ACAD10: variants seen among roughly 807,000 people sequenced by gnomAD.
The protein encoded by ACAD10 is ACAD-10.
A neutral mutation model predicts 116.8 loss-of-function variants in ACAD10; 112 were observed. That is an observed-to-expected ratio of 0.96 (90% CI 0.82 to 1.12). The LOEUF is 1.12. Among genes scored for constraint, ACAD10 ranks in the 50% most tolerant of loss-of-function variants. The pLI is 0.00. For synonymous variants in ACAD10, 486 were observed against 510.6 expected, an observed-to-expected ratio of 0.95 and a Z score of 0.65; for missense variants, 1,259 against 1,350.2, an observed-to-expected ratio of 0.93 and a Z score of 1.06.
At chr12:111,746,904 A>C in intron 14 of ACAD10, 145 bp from the exon 15 acceptor site, 2 of 1,076,290 alleles carry the variant, frequency 1.9e-6, no homozygotes, top group Non-Finnish European at 2.6e-6. Flanking sequence ...AAGCTGAGGC[A>C]TGGGAGGATG....
At chr12:111,709,186 A>G (rs1240582668) in intron 4 of ACAD10, among the ~76,000 whole-genome samples, 2 of 152,176 alleles carry the variant, frequency 1.3e-5, no homozygotes, top group Admixed American at 1.3e-4. Flanking sequence ...TAAGTTTCAC[A>G]ACTTACTGAG....
chr12:111,752,424 T>C (rs556117331), intron 18 of ACAD10, among the ~76,000 whole-genome samples: 4 of 151,238 alleles, frequency 2.6e-5, no homozygotes, highest in Admixed American at 1.3e-4. Context: ...GCCAAAATTA[T>C]GAAACACCCC....
chr12:111,734,436 G>T (rs1217487738), intron 11 of ACAD10, among the ~76,000 whole-genome samples: 1 of 152,122 alleles, frequency 6.6e-6, no homozygotes, highest in African/African-American at 2.4e-5. Context: ...GACCAGCCTG[G>T]CCAACATGGT....
chr12:111,726,794 G>C (rs540680120), intron 8 of ACAD10, among the ~76,000 whole-genome samples: 3 of 152,262 alleles, frequency 2.0e-5, no homozygotes, highest in Admixed American at 2.0e-4. Flanking sequence ...CCGGGAGGCG[G>C]AGGTTGCAGT....
intron 4 of ACAD10, 136 bp from the exon 5 acceptor site, chr12:111,709,390 A>G (rs1888603934): frequency 5.3e-6 from 4 of 758,478 alleles, no homozygotes; most frequent in South Asian, 5.3e-5. Context: ...ATTTTATATC[A>G]TAACACTCTT....
At chr12:111,751,082 A>G (rs1890060769) in intron 18 of ACAD10, among the ~76,000 whole-genome samples, 1 of 152,230 alleles carries the variant, frequency 6.6e-6, no homozygotes, top group Admixed American at 6.5e-5. Context: ...CATAGCATGA[A>G]CATGGCACCT....
chr12:111,717,373 C>T (rs1192566248), intron 7 of ACAD10, among the ~76,000 whole-genome samples: 2 of 150,604 alleles, frequency 1.3e-5, no homozygotes, highest in Non-Finnish European at 3.0e-5. Flanking sequence ...AAAAATTAAC[C>T]AGCATACCCA....
At chr12:111,707,011 C>CA (rs1888531144) in intron 4 of ACAD10, among the ~76,000 whole-genome samples, 1 of 151,632 alleles carries the variant, frequency 6.6e-6, no homozygotes, top group Admixed American at 6.6e-5. Context: ...CTCCTGACCT[C>CA]AAGTGATCTG....
rs752797980 is a variant in ACAD10, at chr12:111,721,654, T to G, written c.993-17T>G. 6.3e-7 allele frequency: 1 copy of G among 1,577,080 alleles called. No individual in the cohort carries two copies. The highest frequency in any genetic ancestry group is 1.2e-5 in the South Asian group (1 of 86,836). ...AATTCAGCCAGCAATTTTGTTTATT[T>G]TCATTTGTCCTTGCAGGATTATGAA... On this transcript the variant is annotated splice_polypyrimidine_tract_variant and intron_variant, in intron 7 of 20. Transcript: ENST00000313698.
chr12:111,726,088 T>C (rs1298581531), intron 8 of ACAD10, among the ~76,000 whole-genome samples: 1 of 151,948 alleles, frequency 6.6e-6, no homozygotes, highest in African/African-American at 2.4e-5. Context: ...ACCCCGTCTC[T>C]ACTGAAAATA....
intron 3 of ACAD10, among the ~76,000 whole-genome samples, chr12:111,704,067 T>C (rs937334375): frequency 2.0e-5 from 3 of 151,712 alleles, no homozygotes; most frequent in African/African-American, 7.3e-5. Context: ...AGAAAGTAGA[T>C]TGGTGGTTTT....
At chr12:111,707,609 GGT>G (rs1195579271) in intron 4 of ACAD10, among the ~76,000 whole-genome samples, 28 of 152,208 alleles carry the variant, frequency 1.8e-4, no homozygotes, top group African/African-American at 6.5e-4. Context: ...TGAGAGTCAT[GGT>G]AGCCTCTAGA....
chr12:111,726,356 G>A (rs756842202), intron 8 of ACAD10, among the ~76,000 whole-genome samples: 1 of 151,992 alleles, frequency 6.6e-6, no homozygotes, highest in African/African-American at 2.4e-5. Flanking sequence ...CTGCTGGGTG[G>A]TATATACACC....
Position 111,702,239 on chromosome 12 carries a change from A to G in ACAD10, c.265A>G (p.Met89Val). ...GGAAGGTGGTGAAAATGGGCCCTGGATGAGATTTATGAGAGCAGAAATAAC... is the reference window on the plus strand; with the variant it reads ...GGAAGGTGGTGAAAATGGGCCCTGGGTGAGATTTATGAGAGCAGAAATAAC... ...LMEGGENGPW[M>V]RFMRAEITAE... The change falls in exon 3 of 21, where the codon ATG becomes GTG. Residue 89 changes from methionine to valine, a missense_variant. Physicochemically the swap from Met to Val is conservative, Grantham distance 21. Coordinates refer to ENST00000313698, the MANE Select transcript of ACAD10 (RefSeq NM_025247.6). 6.2e-7 allele frequency: 1 copy of G among 1,614,152 alleles called. No homozygotes were observed. The highest frequency in any genetic ancestry group is 8.5e-7 in the Non-Finnish European group (1 of 1,180,028).
At chr12:111,723,792 G>A (rs1186637523) in intron 8 of ACAD10, among the ~76,000 whole-genome samples, 1 of 151,070 alleles carries the variant, frequency 6.6e-6, no homozygotes, top group Non-Finnish European at 1.5e-5. Flanking sequence ...TTCTCAGATG[G>A]GGCGGCTGCC....
At chr12:111,736,639 A>T (rs985185295) in intron 11 of ACAD10, among the ~76,000 whole-genome samples, 192 bp from the exon 12 acceptor site, 11 of 152,240 alleles carry the variant, frequency 7.2e-5, no homozygotes, top group African/African-American at 2.2e-4. Flanking sequence ...CCAATTTGTG[A>T]ATAATGACTT....
At chr12:111,726,750 AT>A (rs1566156844) in intron 8 of ACAD10, among the ~76,000 whole-genome samples, 1 of 152,140 alleles carries the variant, frequency 6.6e-6, no homozygotes, top group Non-Finnish European at 1.5e-5. Context: ...AGTTTCAGCT[AT>A]TCGGGATGCT....
chr12:111,747,709 C>T (rs1415715050), intron 16 of ACAD10: 1 of 1,151,336 alleles, frequency 8.7e-7, no homozygotes, highest in Non-Finnish European at 1.1e-6. Context: ...TTGGTGGCTT[C>T]CTGGCTCCTC....
At chr12:111,694,698 TCTC>T (rs1271852169) in intron 2 of ACAD10, among the ~76,000 whole-genome samples, 1 of 152,180 alleles carries the variant, frequency 6.6e-6, no homozygotes, top group African/African-American at 2.4e-5. Context: ...TTTTACAAAA[TCTC>T]CTCCCAGCTC....
Sources: allele counts gnomAD v4.1 joint callset (sites outside exome capture counted in the v4.1 genomes callset), GRCh38; gene constraint gnomAD v4.1.1; transcripts MANE v1.5; gene names NCBI Gene and HGNC (gene_info 2026-07-23, HGNC 2026-07-21).